Variants in CENPT observed in about 807,000 individuals in gnomAD.
CENPT encodes the protein centromere protein T, also known as interphase centromere complex protein 22.
In CENPT, 42 loss-of-function variants were observed where a neutral mutation model predicts 59.7. The ratio of observed to expected loss-of-function variants is 0.70; its 90% CI spans 0.55 to 0.91. CENPT has a LOEUF of 0.91. Among genes scored for constraint, CENPT ranks in the 40% least tolerant of loss-of-function variants. The pLI is 0.00. For missense variants in CENPT, 716 were observed against 713.4 expected (o/e 1.00, Z -0.04); for synonymous variants, 295 against 289.6 (o/e 1.02, Z -0.19).
chr16:67,836,254 G>A (rs2057734305), intron 1 of CENPT, among the ~76,000 whole-genome samples: 1 of 147,286 alleles, frequency 6.8e-6, no homozygotes, highest in Admixed American at 6.9e-5. Context: ...TAGAGACGGG[G>A]TTTCACCATG....
intron 1 of CENPT, among the ~76,000 whole-genome samples, chr16:67,839,399 A>C (rs928012156): frequency 1.7e-4 from 25 of 151,252 alleles, no homozygotes; most frequent in African/African-American, 4.8e-4. Context: ...AAAAAAAAAA[A>C]ACCAAAAAAA....
At position 67,832,539 on chromosome 16, in the gene CENPT, C is replaced by T. The variant is rs1488452928; in HGVS notation, c.117G>A (p.Arg39=). The change falls in exon 5 of 16, where the codon CGG becomes CGA. Residue 39 remains arginine (R), a synonymous_variant. Transcript: ENST00000562787. ...RRPRSARAGA[R]RALLETASPR... is the part of the protein sequence containing the mutation. ...GGGAAGCCGTTTCAAGCAGGGCTCT[C>T]CGGGCTCTGTGTAAAGACCAGCAAT... The T allele has an allele frequency of 6.2e-7, 1 of 1,613,794 alleles. No individual in the cohort carries two copies. Among genetic ancestry groups the T allele is most frequent in the Non-Finnish European group, 8.5e-7 (1 of 1,179,838 alleles).
intron 1 of CENPT, among the ~76,000 whole-genome samples, chr16:67,844,438 A>C (rs2057783925): frequency 6.6e-6 from 1 of 152,200 alleles, no homozygotes; most frequent in Non-Finnish European, 1.5e-5. Flanking sequence ...CAGTTTGTCC[A>C]TGGATTATCT....
chr16:67,847,293 TGGGGCCTTA>T (rs990735351), intron 1 of CENPT, 99 bp downstream of exon 1: 2 of 152,242 alleles, frequency 1.3e-5, no homozygotes, highest in Admixed American at 1.3e-4. Context: ...ACCGTCCGGA[TGGGGCCTTA>T]GGGCCCCGCC....
chr16:67,842,990 C>T lies in CENPT; in HGVS notation c.-492+4411G>A. ...CTCCACTGCCCAGACTGCCCAGCTGCAGCCGAACCTGGTATCTGCTTCCGC... is the reference window on the plus strand; with the variant it reads ...CTCCACTGCCCAGACTGCCCAGCTGTAGCCGAACCTGGTATCTGCTTCCGC... On this transcript the variant is annotated intron_variant, in intron 1 of 15. Transcript: ENST00000562787. This position sits in a 1 kb window ranked among gnomAD's most constrained non-coding sequence, Gnocchi z 4.9. 1 of 1,612,482 alleles carries T rather than the reference C, an allele frequency of 6.2e-7. No homozygotes were observed.
At position 67,831,992 on chromosome 16, in the gene CENPT, G is replaced by A; in HGVS notation, c.386+20C>T. ...CTAAGCTGCCCATAGCACAATCCAA[G>A]GTGGGGGAGTTCTGTGTACCTGCCG... is the stretch of plus-strand genomic sequence containing the variant. On this transcript the variant is annotated intron_variant, in intron 7 of 15. Coordinates refer to ENST00000562787, the MANE Select transcript of CENPT (RefSeq NM_025082.4). 6.3e-7 allele frequency: 1 copy of A among 1,592,082 alleles called. No homozygotes were observed. The highest frequency in any genetic ancestry group is 8.6e-7 in the Non-Finnish European group (1 of 1,167,428).
At position 67,829,521 on chromosome 16, in the gene CENPT, AAAG is replaced by A. The variant is rs761553118; in HGVS notation, c.1187-8_1187-6del. 29 of 1,596,128 alleles carry A rather than the reference AAAG, an allele frequency of 1.8e-5. No individual in the cohort carries two copies. Among genetic ancestry groups the A allele is most frequent in the South Asian group, 3.4e-5 (3 of 88,428 alleles). On this transcript the variant is annotated splice_polypyrimidine_tract_variant and splice_region_variant and intron_variant, in intron 12 of 15. Transcript: ENST00000562787. ...TGGAGGCCGACTCTGGACTTGCTACAAAGAAGAAGGGTGGGGTCACAGGGATTC... is the reference window on the plus strand; with the variant it reads ...TGGAGGCCGACTCTGGACTTGCTACAAAGAAGGGTGGGGTCACAGGGATTC...
At chr16:67,830,232 A>G in intron 11 of CENPT, 144 bp from the exon 12 acceptor site, 1 of 1,220,668 alleles carries the variant, frequency 8.2e-7, no homozygotes, top group South Asian at 1.3e-5. Flanking sequence ...CATGGATCTG[A>G]AGTCTCCTGG....
At position 67,829,875 on chromosome 16, in the gene CENPT, T is replaced by G. The variant is rs1345413002; in HGVS notation, c.1076A>C (p.Glu359Ala). The G allele has an allele frequency of 1.2e-6, 2 of 1,614,102 alleles. No individual in the cohort carries two copies. Among genetic ancestry groups the G allele is most frequent in the Non-Finnish European group, 1.7e-6 (2 of 1,180,034 alleles). The part of the protein sequence containing the change: ...ATGAQGPSRV[E>A]EAEGHTEVTE... The stretch of plus-strand genomic sequence containing the variant: ...CACCTCTGTGTGTCCCTCAGCCTCT[T>G]CTACCCTGCTGGGTCCTTGTGCTCC... The change falls in exon 12 of 16, where the codon GAA becomes GCA. Residue 359 changes from glutamate to alanine, a missense_variant. Physicochemically the swap from Glu to Ala is moderately radical, Grantham distance 107 (BLOSUM62 -1). Transcript: ENST00000562787.
intron 10 of CENPT, chr16:67,830,885 T>C (rs995513301): frequency 5.9e-6 from 3 of 505,270 alleles, no homozygotes; most frequent in Non-Finnish European, 1.1e-5. Context: ...GGTGAACTTG[T>C]TTTCTGCAAT....
intron 4 of CENPT, 34 bp from the exon 5 acceptor site, chr16:67,832,579 C>T (rs151015167): frequency 2.6e-6 from 4 of 1,568,566 alleles, no homozygotes; most frequent in African/African-American, 2.7e-5. Flanking sequence ...CCGAGAATTA[C>T]GGTGAGGAGG....
In CENPT at chr16:67,834,850, G is replaced by T. The variant is rs186274678; in HGVS notation, c.-242+322C>A. Among the ~76,000 whole-genome samples, 847 of 151,760 alleles carry T rather than the reference G, an allele frequency of 5.6e-3. 7 individuals are homozygous for T. Among genetic ancestry groups the T allele is most frequent in the African/African-American group, 0.02 (824 of 41,412 alleles). ...GCAAAATAAATAAATAAAAATTGGG[G>T]TTTTTTTTGAGACAGAGTTTTGCTC... On this transcript the variant is annotated intron_variant, in intron 3 of 15. Coordinates refer to ENST00000562787, the MANE Select transcript of CENPT (RefSeq NM_025082.4).
Position 67,842,963 on chromosome 16 carries a change from G to T in CENPT, c.-492+4438C>A. Reference sequence around the variant, plus strand: ...GCAGCAGCAGCAGTCCTCACCCTCTGCCTCCACTGCCCAGACTGCCCAGCT... The same window carrying T: ...GCAGCAGCAGCAGTCCTCACCCTCTTCCTCCACTGCCCAGACTGCCCAGCT... On this transcript the variant is annotated intron_variant, in intron 1 of 15. Transcript: ENST00000562787. The surrounding 1 kb of genome is among the most constrained non-coding windows in gnomAD (Gnocchi z 4.9). 1 of 1,606,420 alleles carries T rather than the reference G, an allele frequency of 6.2e-7. No individual in the cohort carries two copies.
rs56045040 is a variant in CENPT, at chr16:67,830,493, G to A, written c.759C>T (p.Asn253=). 2,158 of 1,614,118 alleles carry A rather than the reference G, an allele frequency of 1.3e-3. 1 individual carries two copies. The highest frequency in any genetic ancestry group is 1.6e-3 in the Non-Finnish European group (1,848 of 1,179,996). Residue 253 remains asparagine, a synonymous_variant, in exon 11 of 16, where the codon AAC becomes AAT. Transcript: ENST00000562787. ...PFSQPMVGSP[N]VYHSLPCTPH... ...GCGTGCAGGGCAGGGAGTGATACAC[G>A]TTGGGGGAGCCAACCATGGGCTGAG...
rs1353290994 is a variant in CENPT at position 67,842,539 on chromosome 16, G to T, written c.-492+4862C>A. 4.0e-6 allele frequency: 6 copies of T among 1,495,312 alleles called. No homozygotes were observed. In the East Asian group the frequency reaches 1.5e-4, roughly 37 times the overall value. The allele number at this position is 1,495,312 out of a possible 1,614,324, so 92.6% of individuals were successfully genotyped here. ...GCAGGAGGCCGGTGGGCCGGGCCGG[G>T]CCGCGCGGCGCAGCCATGCCTGGCT... is the stretch of plus-strand genomic sequence containing the variant. On this transcript the variant is annotated intron_variant, in intron 1 of 15. Transcript: ENST00000562787. This position sits in a 1 kb window ranked among gnomAD's most constrained non-coding sequence, Gnocchi z 4.9.
chr16:67,846,468 A>C (rs1292087789), intron 1 of CENPT, among the ~76,000 whole-genome samples: 1 of 152,240 alleles, frequency 6.6e-6, no homozygotes, highest in Non-Finnish European at 1.5e-5. Flanking sequence ...GGTTAAGGCC[A>C]CACAGCTCGG....
intron 4 of CENPT, among the ~76,000 whole-genome samples, chr16:67,833,343 C>CT (rs1183718502): frequency 6.6e-6 from 1 of 152,372 alleles, no homozygotes; most frequent in East Asian, 1.9e-4. Context: ...GGGCAAATGC[C>CT]TAGGCACACC....
intron 13 of CENPT, chr16:67,829,063 T>A: frequency 1.8e-6 from 1 of 549,222 alleles, no homozygotes; most frequent in East Asian, 3.1e-5. Flanking sequence ...CTCGACATCC[T>A]GGTTCAGACT....
In CENPT at chr16:67,843,691, G is replaced by A; in HGVS notation, c.-492+3710C>T. On this transcript the variant is annotated intron_variant, in intron 1 of 15. Coordinates refer to ENST00000562787, the MANE Select transcript of CENPT (RefSeq NM_025082.4). This position sits in a 1 kb window ranked among gnomAD's most constrained non-coding sequence, Gnocchi z 5.7. ...AGTGGAAGCTGGGGCCTTAGACTCTGCCCTGGTGACACCAGCAATTATGAC... is the reference window on the plus strand; with the variant it reads ...AGTGGAAGCTGGGGCCTTAGACTCTACCCTGGTGACACCAGCAATTATGAC... 1.7e-6 allele frequency: 1 copy of A among 574,070 alleles called. No individual in the cohort carries two copies. The allele number at this position is 574,070 out of a possible 1,614,324, so 35.6% of individuals were successfully genotyped here.
Sources: gnomAD v4.1 joint callset for allele counts (sites outside exome capture counted in the v4.1 genomes callset) on GRCh38, gnomAD v4.1.1 for gene constraint, Gnocchi (gnomAD v3.1) non-coding constraint, MANE v1.5 for transcripts, NCBI Gene and HGNC (gene_info 2026-07-23, HGNC 2026-07-21) for gene names.